CAMK2G: variants seen among roughly 807,000 people sequenced by gnomAD.
CAMK2G encodes calcium/calmodulin-dependent protein kinase type II subunit gamma.
Under a neutral mutation model 88.7 loss-of-function variants are expected in CAMK2G, and 23 were observed. The observed-to-expected ratio is 0.26, with a 90% CI of 0.19 to 0.37. The LOEUF is 0.37. CAMK2G is among the 10% of genes least tolerant of loss of function. The pLI is 1.00. For missense variants in CAMK2G, 476 were observed against 780.8 expected, an observed-to-expected ratio of 0.61 and a Z score of 4.65; for synonymous variants, 263 against 294.8, an observed-to-expected ratio of 0.89 and a Z score of 1.11.
intron 1 of CAMK2G, 141 bp downstream of exon 1, chr10:73,874,256 G>A (rs1459334577): frequency 2.5e-6 from 1 of 394,768 alleles, no homozygotes; most frequent in Non-Finnish European, 4.0e-6. Flanking sequence ...CGCGGGGACC[G>A]AAGGCGGCGG....
At chr10:73,815,329 AC>A in intron 21 of CAMK2G, 82 bp from the exon 22 acceptor site, 1 of 921,688 alleles carries the variant, frequency 1.1e-6, no homozygotes, top group Non-Finnish European at 1.7e-6. Context: ...TCCAAGTCTT[AC>A]CATCTCCCAA....
At chr10:73,865,367 C>T (rs974749238) in intron 2 of CAMK2G, among the ~76,000 whole-genome samples, 2 of 152,174 alleles carry the variant, frequency 1.3e-5, no homozygotes, top group Non-Finnish European at 2.9e-5. Context: ...TCCTCTTCCT[C>T]GCAGCCGTGG....
At chr10:73,834,304 G>A (rs1010012698) in intron 14 of CAMK2G, among the ~76,000 whole-genome samples, 12 of 152,280 alleles carry the variant, frequency 7.9e-5, no homozygotes, top group South Asian at 2.1e-4. Flanking sequence ...CTGCGAATAC[G>A]CGGTTGGCCT....
At chr10:73,829,153 T>G (rs1001061684) in intron 14 of CAMK2G, among the ~76,000 whole-genome samples, 2 of 152,188 alleles carry the variant, frequency 1.3e-5, no homozygotes, top group African/African-American at 4.8e-5. Flanking sequence ...TTTCAGGGAT[T>G]ATTATTATAA....
At chr10:73,870,926 G>C (rs1321682814) in intron 2 of CAMK2G, among the ~76,000 whole-genome samples, 1 of 152,120 alleles carries the variant, frequency 6.6e-6, no homozygotes, top group Non-Finnish European at 1.5e-5. Context: ...GCCCCACCTT[G>C]TTCCCTCCAT....
intron 3 of CAMK2G, among the ~76,000 whole-genome samples, chr10:73,854,430 C>T (rs1379796578): frequency 5.9e-5 from 9 of 152,200 alleles, no homozygotes; most frequent in Non-Finnish European, 1.0e-4. Context: ...AATGCAGAAA[C>T]GACTCCGCTT....
intron 3 of CAMK2G, among the ~76,000 whole-genome samples, chr10:73,855,164 TC>T (rs2135276075): frequency 6.6e-6 from 1 of 152,182 alleles, no homozygotes; most frequent in South Asian, 2.1e-4. Context: ...CTCAATCAAG[TC>T]CTCTCGAAGT....
chr10:73,825,132 A>G (rs577672530), intron 16 of CAMK2G, 147 bp downstream of exon 16: 2 of 687,514 alleles, frequency 2.9e-6, no homozygotes, highest in Non-Finnish European at 5.3e-6. Flanking sequence ...GGGAAGGGGC[A>G]TACAGGGCGG....
intron 19 of CAMK2G, chr10:73,818,847 T>C: frequency 2.2e-6 from 1 of 456,030 alleles, no homozygotes; most frequent in South Asian, 1.5e-5. Context: ...CAAGGATAGA[T>C]GGTGGGAGGA....
At chr10:73,854,422 T>C (rs935643049) in intron 3 of CAMK2G, among the ~76,000 whole-genome samples, 1 of 152,068 alleles carries the variant, frequency 6.6e-6, no homozygotes, top group Non-Finnish European at 1.5e-5. Context: ...ATCATTCTAA[T>C]GCAGAAACGA....
At chr10:73,862,626 A>C (rs530751970) in intron 2 of CAMK2G, among the ~76,000 whole-genome samples, 1 of 152,320 alleles carries the variant, frequency 6.6e-6, no homozygotes, top group South Asian at 2.1e-4. Flanking sequence ...AATCTGCCTA[A>C]GGTAACACGA....
chr10:73,866,490 C>A (rs2095599417), intron 2 of CAMK2G, among the ~76,000 whole-genome samples: 1 of 152,090 alleles, frequency 6.6e-6, no homozygotes, highest in Non-Finnish European at 1.5e-5. Flanking sequence ...AATGCCAGCA[C>A]TAGCTTCAAA....
At chr10:73,851,357 A>G (rs2094600178) in intron 5 of CAMK2G, among the ~76,000 whole-genome samples, 1 of 152,266 alleles carries the variant, frequency 6.6e-6, no homozygotes, top group African/African-American at 2.4e-5. Context: ...TGAGGGAGGC[A>G]CCAGGGATTC....
chr10:73,872,042 T>C (rs2095851097), intron 2 of CAMK2G, among the ~76,000 whole-genome samples: 1 of 152,240 alleles, frequency 6.6e-6, no homozygotes, highest in African/African-American at 2.4e-5. Context: ...TTCCTTTCTC[T>C]GAGTTTCACA....
At position 73,839,319 on chromosome 10, in the gene CAMK2G, C is replaced by A. The variant is rs535557905; in HGVS notation, c.1009+220G>T. On this transcript the variant is annotated intron_variant, in intron 13 of 22. Transcript: ENST00000423381. This position sits in a 1 kb window ranked among gnomAD's most constrained non-coding sequence, Gnocchi z 4.2. Reference sequence around the variant, plus strand: ...CAGCTCCATGCCCCCAGGCTACTGCCCCCTGAAAGTTGGCAAGCGCCCAGC... The same window carrying A: ...CAGCTCCATGCCCCCAGGCTACTGCACCCTGAAAGTTGGCAAGCGCCCAGC... Among the ~76,000 whole-genome samples, 15 of 152,324 alleles carry A rather than the reference C, an allele frequency of 9.8e-5. No individual in the cohort carries two copies. In the South Asian group the frequency reaches 3.1e-3, roughly 32 times the overall value.
intron 12 of CAMK2G, among the ~76,000 whole-genome samples, chr10:73,840,569 G>T (rs1308127024): frequency 6.6e-6 from 1 of 152,204 alleles, no homozygotes; most frequent in Non-Finnish European, 1.5e-5. Flanking sequence ...GGCCAGTCTA[G>T]GTCTGGCCAA....
At chr10:73,871,714 C>G (rs540427985) in intron 2 of CAMK2G, among the ~76,000 whole-genome samples, 1 of 151,016 alleles carries the variant, frequency 6.6e-6, no homozygotes, top group Non-Finnish European at 1.5e-5. Context: ...AGAAAACAAA[C>G]AAGTCCAACT....
chr10:73,823,986 C>T, intron 17 of CAMK2G, 54 bp downstream of exon 17: 1 of 1,440,740 alleles, frequency 6.9e-7, no homozygotes, highest in Admixed American at 1.7e-5. Context: ...GGGACCCAGC[C>T]CACCTGTCTC....
rs2134798082 is a variant in CAMK2G at position 73,848,042 on chromosome 10, G to A, written c.642C>T (p.Phe214=). ...LYILLVGYPP[F]WDEDQHKLYQ... is the part of the protein sequence containing the mutation. ...ACAGCTTGTGCTGATCCTCATCCCA[G>A]AAGGGAGGATAGCCCACCAGGAGGA... The change falls in exon 9 of 23, where the codon TTC becomes TTT. Residue 214 remains phenylalanine, a synonymous_variant. Transcript: ENST00000423381. This position sits in a 1 kb window ranked among gnomAD's most constrained non-coding sequence, Gnocchi z 4.5. 11 of 1,612,440 alleles carry A rather than the reference G, an allele frequency of 6.8e-6. No homozygotes were observed. Among genetic ancestry groups the A allele is most frequent in the Non-Finnish European group, 9.3e-6 (11 of 1,178,524 alleles).
Sources: gnomAD v4.1 joint callset for allele counts (sites outside exome capture counted in the v4.1 genomes callset) on GRCh38, gnomAD v4.1.1 for gene constraint, Gnocchi (gnomAD v3.1) non-coding constraint, MANE v1.5 for transcripts, NCBI Gene and HGNC (gene_info 2026-07-23, HGNC 2026-07-21) for gene names.